Variants in TEPSIN observed in about 807,000 individuals in gnomAD.
TEPSIN encodes the protein TEPSIN adaptor related protein complex 4 accessory protein.
Under a neutral mutation model 48.5 loss-of-function variants are expected in TEPSIN, and 50 were observed. That is an observed-to-expected ratio of 1.03 (90% CI 0.82 to 1.31). The LOEUF is 1.31. Ranked by LOEUF, TEPSIN falls within the 50% of genes most tolerant of loss-of-function variation. The pLI is 0.00. For missense variants in TEPSIN, 838 were observed against 815.9 expected, an observed-to-expected ratio of 1.03 and a Z score of -0.33; for synonymous variants, 392 against 358.8, an observed-to-expected ratio of 1.09 and a Z score of -1.05.
intron 1 of TEPSIN, chr17:81,238,724 G>A (rs1401632096): frequency 8.0e-7 from 1 of 1,243,622 alleles, no homozygotes. Context: ...AATGCTGGCC[G>A]AGGCCTGTTC....
chr17:81,238,959 G>C, intron 1 of TEPSIN, 27 bp downstream of exon 1: 1 of 1,433,316 alleles, frequency 7.0e-7, no homozygotes. Context: ...CGTGGGACCG[G>C]GGCCCGGGCG....
At chr17:81,237,591 A>T in intron 1 of TEPSIN, 132 bp from the exon 2 acceptor site, 1 of 952,656 alleles carries the variant, frequency 1.0e-6, no homozygotes, top group Non-Finnish European at 1.5e-6. Flanking sequence ...CTGGGAAGGG[A>T]TGAGAACTGT....
At chr17:81,231,276 C>T in intron 11 of TEPSIN, 122 bp downstream of exon 11, 1 of 1,076,462 alleles carries the variant, frequency 9.3e-7, no homozygotes, top group South Asian at 1.6e-5. Context: ...CGCACAGCCA[C>T]ACAGAGGAAT....
At chr17:81,231,319 GCACA>G (rs972912771) in intron 11 of TEPSIN, 75 bp downstream of exon 11, 3 of 1,375,710 alleles carry the variant, frequency 2.2e-6, no homozygotes, top group African/African-American at 2.9e-5. Flanking sequence ...AGGCACACGT[GCACA>G]CACACGCACA....
chr17:81,235,524 G>A (rs2062705294), intron 4 of TEPSIN, among the ~76,000 whole-genome samples: 1 of 152,162 alleles, frequency 6.6e-6, no homozygotes, highest in Admixed American at 6.5e-5. Flanking sequence ...CTCTGGTGCC[G>A]ACAAGAACCC....
Position 81,237,076 on chromosome 17 carries a change from G to C in TEPSIN, c.122-5C>G. On this transcript the variant is annotated splice_region_variant and splice_polypyrimidine_tract_variant and intron_variant, in intron 2 of 12. Transcript: ENST00000637944. ...CCGGAGACTCGTGGGAGATTTCTGC[G>C]GCACGCTCGGGTTAGGGAAGGGCGA... 1 of 1,580,602 alleles carries C rather than the reference G, an allele frequency of 6.3e-7. No homozygotes were observed. Among genetic ancestry groups the C allele is most frequent in the Non-Finnish European group, 8.6e-7 (1 of 1,163,026 alleles).
chr17:81,234,162 C>G lies in TEPSIN; in HGVS notation c.308-114G>C. On this transcript the variant is annotated intron_variant, in intron 4 of 12. Coordinates refer to ENST00000637944, the MANE Select transcript of TEPSIN (RefSeq NM_001363764.2). The surrounding 1 kb of genome is among the most constrained non-coding windows in gnomAD (Gnocchi z 5.4). ...GTGGCAAGTTCCTGCCACCAAGGCC[C>G]TTCTGTCACAGCCAATGGGATGCCC... 1.1e-6 allele frequency: 1 copy of G among 905,844 alleles called. No homozygotes were observed. Among genetic ancestry groups the G allele is most frequent in the Non-Finnish European group, 1.6e-6 (1 of 623,024 alleles). 56.1% of individuals were successfully genotyped at this position (905,844 alleles called of 1,614,324 possible).
At chr17:81,236,606 G>A in intron 4 of TEPSIN, 102 bp downstream of exon 4, 1 of 1,226,932 alleles carries the variant, frequency 8.2e-7, no homozygotes, top group Non-Finnish European at 1.2e-6. Flanking sequence ...GCCCAGGTGA[G>A]GGCTCTGGCT....
Position 81,232,131 on chromosome 17 carries a change from G to A in TEPSIN, c.731-110C>T, listed in dbSNP as rs150221822. 4.3e-4 allele frequency: 603 copies of A among 1,399,688 alleles called. 5 individuals carry two copies. The African/African-American group carries it at 5.8e-3, about 13-fold the overall frequency. The allele number at this position is 1,399,688 out of a possible 1,614,324, so 86.7% of individuals were successfully genotyped here. Reference sequence around the variant, plus strand: ...CTCGGGGGCTGAGTCCTGAGCTGAGGATGGGTGGCCACCTTGGCTCCAGCT... The same window carrying A: ...CTCGGGGGCTGAGTCCTGAGCTGAGAATGGGTGGCCACCTTGGCTCCAGCT... On this transcript the variant is annotated intron_variant, in intron 8 of 12. Coordinates refer to ENST00000637944, the MANE Select transcript of TEPSIN (RefSeq NM_001363764.2).
At chr17:81,236,223 T>C (rs930161477) in intron 4 of TEPSIN, among the ~76,000 whole-genome samples, 1 of 152,122 alleles carries the variant, frequency 6.6e-6, no homozygotes, top group Non-Finnish European at 1.5e-5. Flanking sequence ...GGGCCCCGCC[T>C]CTCCTGCCTC....
rs982602846 is a variant in TEPSIN at position 81,234,528 on chromosome 17, T to C, written c.308-480A>G. 6.6e-6 allele frequency among the ~76,000 whole-genome samples: 1 copy of C among 152,010 alleles called. No homozygotes were observed. ...GAACTGGGGCTTCTTTCCTTAAATC[T>C]TCCGGCCCCAGGGCCCCCCAAGCCT... On this transcript the variant is annotated intron_variant, in intron 4 of 12. Coordinates refer to ENST00000637944, the MANE Select transcript of TEPSIN (RefSeq NM_001363764.2). The surrounding 1 kb of genome is among the most constrained non-coding windows in gnomAD (Gnocchi z 5.4).
In TEPSIN at chr17:81,229,017, G is replaced by A. The variant is rs1387836593; in HGVS notation, c.1693C>T (p.Pro565Ser). The change falls in exon 13 of 13, where the codon CCC (proline) becomes TCC (serine). Residue 565 changes from proline to serine, a missense_variant. Pro to Ser is a moderately conservative substitution (Grantham distance 74). Coordinates refer to ENST00000637944, the MANE Select transcript of TEPSIN (RefSeq NM_001363764.2). ...TGGGACGATGTTTGGGGGGCGCGGGGAGCATCAGGACAGGACTCTCCCGCA... is the reference window on the plus strand; with the variant it reads ...TGGGACGATGTTTGGGGGGCGCGGGAAGCATCAGGACAGGACTCTCCCGCA... ...AAAGESCPDA[P>S]RAPQTSSQRT... is the part of the protein sequence containing the mutation. The A allele has an allele frequency of 1.7e-5, 28 of 1,613,392 alleles. No homozygotes were observed. Among genetic ancestry groups the A allele is most frequent in the African/African-American group, 4.0e-5 (3 of 74,916 alleles).
At chr17:81,235,264 A>G (rs1262916786) in intron 4 of TEPSIN, among the ~76,000 whole-genome samples, 1 of 152,224 alleles carries the variant, frequency 6.6e-6, no homozygotes, top group East Asian at 1.9e-4. Context: ...TAACTAAAGA[A>G]AATCTGTCTG....
At position 81,233,882 on chromosome 17, in the gene TEPSIN, T is replaced by G. The variant is rs111430673; in HGVS notation, c.375+99A>C. On this transcript the variant is annotated intron_variant, in intron 5 of 12. Coordinates refer to ENST00000637944, the MANE Select transcript of TEPSIN (RefSeq NM_001363764.2). The surrounding 1 kb of genome is among the most constrained non-coding windows in gnomAD (Gnocchi z 5.8). ...AAGGAGCAGAGGCAGGGGTCCCGGATGGGAGAACTGCAAACCCCCCAGCTG... is the reference window on the plus strand; with the variant it reads ...AAGGAGCAGAGGCAGGGGTCCCGGAGGGGAGAACTGCAAACCCCCCAGCTG... 7.1e-7 allele frequency: 1 copy of G among 1,415,092 alleles called. No individual in the cohort carries two copies. The highest frequency in any genetic ancestry group is 1.4e-5 in the African/African-American group (1 of 69,048). The allele number at this position is 1,415,092 out of a possible 1,614,324, so 87.7% of individuals were successfully genotyped here. A position where few individuals can be genotyped will look rare whatever the true frequency, so the allele number is the denominator to read the frequency against.
At chr17:81,232,171 C>T (rs947612906) in intron 8 of TEPSIN, 144 bp downstream of exon 8, 28 of 1,311,078 alleles carry the variant, frequency 2.1e-5, no homozygotes, top group Non-Finnish European at 2.7e-5. Flanking sequence ...CAAACACCAG[C>T]CCCATGGGCA....
rs368619161 is a variant in TEPSIN at position 81,233,978 on chromosome 17, C to A, written c.375+3G>T. On this transcript the variant is annotated splice_donor_region_variant and intron_variant, in intron 5 of 12. Transcript: ENST00000637944. The surrounding 1 kb of genome is among the most constrained non-coding windows in gnomAD (Gnocchi z 5.8). ...CGCAGAGCGACACTGCTCCTGGGCTCACCTGCGCGGCCGCGCGAACCTTCT... is the reference window on the plus strand; with the variant it reads ...CGCAGAGCGACACTGCTCCTGGGCTAACCTGCGCGGCCGCGCGAACCTTCT... The A allele has an allele frequency of 5.6e-6, 9 of 1,598,316 alleles. No homozygotes were observed. The highest frequency in any genetic ancestry group is 6.8e-6 in the Non-Finnish European group (8 of 1,175,618).
rs999366084 is a variant in TEPSIN, at chr17:81,233,122, C to T, written c.526+310G>A. On this transcript the variant is annotated intron_variant, in intron 7 of 12. Transcript: ENST00000637944. The surrounding 1 kb of genome is among the most constrained non-coding windows in gnomAD (Gnocchi z 5.8). The stretch of plus-strand genomic sequence containing the variant: ...CACGGGACTGCCTGAGTCACCTGCA[C>T]CACAGCCAGGGGCACAGCCCTCGGC... The T allele has an allele frequency of 9.5e-5, 46 of 485,488 alleles. No homozygotes were observed. Among genetic ancestry groups the T allele is most frequent in the Middle Eastern group, 1.1e-3 (2 of 1,896 alleles). The allele number at this position is 485,488 out of a possible 1,614,324, so 30.1% of individuals were successfully genotyped here.
chr17:81,234,070 T>G lies in TEPSIN; in HGVS notation c.308-22A>C. 6.4e-7 allele frequency: 1 copy of G among 1,571,428 alleles called. No individual in the cohort carries two copies. Among genetic ancestry groups the G allele is most frequent in the South Asian group, 1.2e-5 (1 of 84,776 alleles). On this transcript the variant is annotated intron_variant, in intron 4 of 12. Coordinates refer to ENST00000637944, the MANE Select transcript of TEPSIN (RefSeq NM_001363764.2). The surrounding 1 kb of genome is among the most constrained non-coding windows in gnomAD (Gnocchi z 5.4). ...AAAGCTGCAGAACAGAAAAGGCAAG[T>G]CGGGGGCAGGGCTGAGCCTGGCACC... is the stretch of plus-strand genomic sequence containing the variant.
intron 11 of TEPSIN, 188 bp downstream of exon 11, chr17:81,231,210 C>T (rs1291192834): frequency 3.2e-6 from 2 of 624,744 alleles, no homozygotes; most frequent in African/African-American, 1.8e-5. Flanking sequence ...TGTACACACA[C>T]AGGCATACAT....
Sources: gnomAD v4.1 joint callset for allele counts (sites outside exome capture counted in the v4.1 genomes callset) on GRCh38, gnomAD v4.1.1 for gene constraint, Gnocchi (gnomAD v3.1) non-coding constraint, MANE v1.5 for transcripts, NCBI Gene and HGNC (gene_info 2026-07-23, HGNC 2026-07-21) for gene names.